The following MTUS2 variants were observed in gnomAD, a reference collection of about 807,000 sequenced individuals.
MTUS2 encodes the protein microtubule associated scaffold protein 2.
In MTUS2, 40 loss-of-function variants were observed where a neutral mutation model predicts 114.1. That is an observed-to-expected ratio of 0.35 (90% CI 0.27 to 0.46). The LOEUF (loss-of-function observed/expected upper bound fraction) is 0.46, where lower values mean the gene tolerates loss of function less well. MTUS2 is among the 20% of genes least tolerant of loss of function. The probability of loss-of-function intolerance (pLI) is 1.00; values close to 1 mark genes in which losing one functional copy is unlikely to be tolerated. For synonymous variants in MTUS2, 688 were observed against 672.0 expected (o/e 1.02, Z -0.37); for missense variants, 1,679 against 1,705.4 (o/e 0.98, Z 0.27).
At chr13:29,456,965 G>A (rs1014733807) in intron 9 of MTUS2, among the ~76,000 whole-genome samples, 9 of 150,938 alleles carry the variant, frequency 6.0e-5, no homozygotes, top group Non-Finnish European at 1.0e-4. Flanking sequence ...GTGAAACCCC[G>A]TCTCTACTAA....
intron 2 of MTUS2, among the ~76,000 whole-genome samples, chr13:28,970,784 T>G (rs1237699906): frequency 6.6e-6 from 1 of 152,198 alleles, no homozygotes; most frequent in Non-Finnish European, 1.5e-5. Context: ...CTATACAGTG[T>G]TCCTGTCATA....
At chr13:29,164,230 C>T (rs911555225) in intron 5 of MTUS2, among the ~76,000 whole-genome samples, 1 of 152,212 alleles carries the variant, frequency 6.6e-6, no homozygotes, top group Admixed American at 6.5e-5. Flanking sequence ...GCCCTGTGCC[C>T]GCAACAGGCT....
At chr13:28,830,721 AG>A (rs1874610896) in intron 1 of MTUS2, among the ~76,000 whole-genome samples, 1 of 152,186 alleles carries the variant, frequency 6.6e-6, no homozygotes, top group East Asian at 1.9e-4. Flanking sequence ...AATGAGAGTA[AG>A]GGGACAGAAA....
intron 4 of MTUS2, among the ~76,000 whole-genome samples, chr13:29,036,074 A>G (rs1474335488): frequency 2.0e-5 from 3 of 150,948 alleles, no homozygotes; most frequent in African/African-American, 7.3e-5. Context: ...AACCCAAGAG[A>G]CAGAGGCTAC....
intron 5 of MTUS2, among the ~76,000 whole-genome samples, chr13:29,191,253 C>CA (rs1172593972): frequency 6.6e-6 from 1 of 152,112 alleles, no homozygotes; most frequent in Non-Finnish European, 1.5e-5. Flanking sequence ...GTCAGAATTT[C>CA]AGTCTCTTAG....
intron 4 of MTUS2, among the ~76,000 whole-genome samples, chr13:29,073,416 T>A (rs1889033486): frequency 6.6e-6 from 1 of 152,234 alleles, no homozygotes; most frequent in South Asian, 2.1e-4. Context: ...CTAGTTTCTC[T>A]TTCTGGCCTG....
chr13:29,011,131 A>G (rs748365899), intron 2 of MTUS2, among the ~76,000 whole-genome samples: 5 of 152,208 alleles, frequency 3.3e-5, no homozygotes, highest in Admixed American at 1.3e-4. Context: ...CATGAGACCT[A>G]TGGAATTTCT....
chr13:28,873,213 CAT>C (rs1877726914), intron 2 of MTUS2, among the ~76,000 whole-genome samples: 1 of 152,148 alleles, frequency 6.6e-6, no homozygotes, highest in South Asian at 2.1e-4. Flanking sequence ...TTCGGTGACA[CAT>C]GTTTGAGTTC....
intron 4 of MTUS2, among the ~76,000 whole-genome samples, chr13:29,047,959 T>C (rs1887712911): frequency 6.7e-6 from 1 of 149,168 alleles, no homozygotes; most frequent in South Asian, 2.2e-4. Context: ...TATAATGTTT[T>C]TAATGTTCAT....
chr13:29,440,129 C>A, intron 9 of MTUS2, 80 bp downstream of exon 9: 1 of 1,382,648 alleles, frequency 7.2e-7, no homozygotes, highest in Middle Eastern at 1.8e-4. Context: ...AGCAATTATG[C>A]CTCCTGTAAT....
At chr13:29,381,323 C>T (rs979857120) in intron 8 of MTUS2, among the ~76,000 whole-genome samples, 6 of 152,070 alleles carry the variant, frequency 3.9e-5, no homozygotes, top group Admixed American at 1.3e-4. Context: ...CACAATAAAG[C>T]AAGGTTTGAT....
intron 5 of MTUS2, among the ~76,000 whole-genome samples, chr13:29,202,257 T>G (rs1485910668): frequency 1.2e-4 from 19 of 152,216 alleles, no homozygotes; most frequent in Admixed American, 1.2e-3. Context: ...ATTAAATTGA[T>G]CTTCAATCTC....
At chr13:28,864,626 G>C (rs1341329547) in intron 2 of MTUS2, among the ~76,000 whole-genome samples, 1 of 152,226 alleles carries the variant, frequency 6.6e-6, no homozygotes, top group Non-Finnish European at 1.5e-5. Context: ...GTGTGGGCCT[G>C]AGACTGTGCT....
rs143249073 is a variant in MTUS2 at position 29,263,331 on chromosome 13, G to T, written c.2645-18373G>T. Among the ~76,000 whole-genome samples, 369 of 152,232 alleles carry T rather than the reference G, an allele frequency of 2.4e-3. 1 individual carries two copies. Among genetic ancestry groups the T allele is most frequent in the African/African-American group, 8.6e-3 (359 of 41,530 alleles). ...AGGTATAGACAAGGGTGTGGTCTCT[G>T]GTCTAGGGCTGGAATTCTTTATTGG... is the stretch of plus-strand genomic sequence containing the variant. On this transcript the variant is annotated intron_variant, in intron 5 of 15. Transcript: ENST00000612955.
intron 2 of MTUS2, among the ~76,000 whole-genome samples, chr13:28,989,824 G>A (rs547838701): frequency 6.2e-4 from 93 of 149,084 alleles, no homozygotes; most frequent in Non-Finnish European, 5.0e-4. Flanking sequence ...AACAAGTCAG[G>A]CTTTGGGCCT....
intron 5 of MTUS2, among the ~76,000 whole-genome samples, chr13:29,206,645 C>A (rs192433830): frequency 7.3e-4 from 111 of 152,238 alleles, no homozygotes; most frequent in African/African-American, 2.6e-3. Context: ...GTTATCTCAG[C>A]ACCATTTGTT....
At chr13:28,875,025 G>A (rs2138115001) in intron 2 of MTUS2, among the ~76,000 whole-genome samples, 1 of 152,258 alleles carries the variant, frequency 6.6e-6, no homozygotes, top group East Asian at 1.9e-4. Context: ...TTAGAAAAAT[G>A]GTTTGTGAAG....
intron 2 of MTUS2, among the ~76,000 whole-genome samples, chr13:28,935,539 T>C (rs1431752701): frequency 1.3e-5 from 2 of 151,990 alleles, no homozygotes; most frequent in Non-Finnish European, 2.9e-5. Context: ...ATTATACACA[T>C]ATGTATAAGT....
chr13:29,158,745 C>T (rs1008221343), intron 5 of MTUS2, among the ~76,000 whole-genome samples: 1 of 152,132 alleles, frequency 6.6e-6, no homozygotes, highest in Non-Finnish European at 1.5e-5. Flanking sequence ...TCACCCTAAC[C>T]TGCTTCATTT....
Sources: gnomAD v4.1 joint callset for allele counts (sites outside exome capture counted in the v4.1 genomes callset) on GRCh38, gnomAD v4.1.1 for gene constraint, MANE v1.5 for transcripts, NCBI Gene and HGNC (gene_info 2026-07-23, HGNC 2026-07-21) for gene names.